Variants in HEPACAM observed in about 807,000 individuals in gnomAD.
HEPACAM encodes hepatic and glial cell adhesion molecule.
In HEPACAM, 18 loss-of-function variants were observed where a neutral mutation model predicts 38.3. That is an observed-to-expected ratio of 0.47 (90% confidence interval 0.33 to 0.70). The LOEUF (loss-of-function observed/expected upper bound fraction) is 0.70, where lower values mean the gene tolerates loss of function less well. Ranked by LOEUF, HEPACAM falls within the 30% of genes least tolerant of loss-of-function variation. HEPACAM has a pLI of 0.03. For missense variants in HEPACAM, 466 were observed against 563.0 expected, an observed-to-expected ratio of 0.83 and a Z score of 1.74; for synonymous variants, 216 against 243.1, an observed-to-expected ratio of 0.89 and a Z score of 1.04.
In HEPACAM at chr11:124,924,966, G is replaced by A. The variant is rs759626196; in HGVS notation, c.189C>T (p.Asp63=). 20 of 1,614,096 alleles carry A rather than the reference G, an allele frequency of 1.2e-5. No individual in the cohort carries two copies. Among genetic ancestry groups the A allele is most frequent in the Non-Finnish European group, 1.7e-5 (20 of 1,179,964 alleles). The change falls in exon 2 of 7, where the codon GAC becomes GAT. Residue 63 remains aspartate, a synonymous_variant. Transcript: ENST00000298251. This position sits in a 1 kb window ranked among gnomAD's most constrained non-coding sequence, Gnocchi z 4.4. ...TCAGCTGCCACTTCACTACAGGCCT[G>A]TCGCTGCTGGTACTGCTGTACTGCA... ...LSVQYSSTSS[D]RPVVKWQLKR...
In HEPACAM at chr11:124,921,297, G is replaced by A. The variant is rs1238890407; in HGVS notation, c.1092C>T (p.Ser364=). The A allele has an allele frequency of 6.9e-6, 9 of 1,311,456 alleles. No homozygotes were observed. The highest frequency in any genetic ancestry group is 4.6e-5 in the South Asian group (2 of 43,548). 81.2% of individuals were successfully genotyped at this position (1,311,456 alleles called of 1,614,324 possible). A position where few individuals can be genotyped will look rare whatever the true frequency, so the allele number is the denominator to read the frequency against. Residue 364 remains serine (S), a synonymous_variant, in exon 7 of 7, where the codon TCC becomes TCT. Coordinates refer to ENST00000298251, the MANE Select transcript of HEPACAM (RefSeq NM_152722.5). The surrounding 1 kb of genome is among the most constrained non-coding windows in gnomAD (Gnocchi z 4.6). The part of the protein sequence containing the change: ...PIRSARRYPR[S]PARSPATGRT... Reference sequence around the variant, plus strand: ...GGCCGGTGGCTGGGGAGCGCGCTGGGGAGCGCGGGTAGCGGCGGGCAGAGC... The same window carrying A: ...GGCCGGTGGCTGGGGAGCGCGCTGGAGAGCGCGGGTAGCGGCGGGCAGAGC...
chr11:124,925,070 CT>C lies in HEPACAM; in HGVS notation c.86-2del. The stretch of plus-strand genomic sequence containing the variant: ...GTGATGTTCACCCCCTCCAGGGGGT[CT>C]GTGAACAGAGGCCCATGAGGAAGAG... On this transcript the variant is annotated splice_acceptor_variant, in intron 1 of 6. Coordinates refer to ENST00000298251, the MANE Select transcript of HEPACAM (RefSeq NM_152722.5). LOFTEE classifies it high-confidence loss of function. 1.3e-6 allele frequency: 2 copies of C among 1,581,094 alleles called. No homozygotes were observed. Among genetic ancestry groups the C allele is most frequent in the Non-Finnish European group, 1.7e-6 (2 of 1,161,056 alleles).
At position 124,919,457 on chromosome 11, in the gene HEPACAM, C is replaced by T. The variant is rs1482821597; in HGVS notation, c.*1681G>A. The T allele has an allele frequency of 1.8e-5, 8 of 433,332 alleles. No homozygotes were observed. The highest frequency in any genetic ancestry group is 3.3e-5 in the Non-Finnish European group (8 of 238,906). The allele number at this position is 433,332 out of a possible 1,614,324, so 26.8% of individuals were successfully genotyped here. On this transcript the variant is annotated 3_prime_UTR_variant, in exon 7 of 7. Coordinates refer to ENST00000298251, the MANE Select transcript of HEPACAM (RefSeq NM_152722.5). ...CAGGGTATGGCATGTTCTCATCTCA[C>T]CCTAACCTTCACCTGTGCATCTCAA...
In HEPACAM at chr11:124,920,963, TC is replaced by T; in HGVS notation, c.*174del. On this transcript the variant is annotated 3_prime_UTR_variant, in exon 7 of 7. Transcript: ENST00000298251. ...GTTTCACCATATCAACACTGCCGCC[TC>T]CGCGCACCCGCCTCCGTCTGCGCAT... 1 of 1,365,820 alleles carries T rather than the reference TC, an allele frequency of 7.3e-7. No homozygotes were observed. The highest frequency in any genetic ancestry group is 9.4e-7 in the Non-Finnish European group (1 of 1,062,976). The allele number at this position is 1,365,820 out of a possible 1,614,324, so 84.6% of individuals were successfully genotyped here.
intron 1 of HEPACAM, among the ~76,000 whole-genome samples, chr11:124,929,094 C>T (rs1251853266): frequency 6.6e-6 from 1 of 152,196 alleles, no homozygotes; most frequent in East Asian, 1.9e-4. Context: ...TCCCTTCTAT[C>T]TTCTGTGGCC....
At position 124,920,374 on chromosome 11, in the gene HEPACAM, A is replaced by C; in HGVS notation, c.*764T>G. 6.5e-7 allele frequency: 1 copy of C among 1,545,300 alleles called. No individual in the cohort carries two copies. Among genetic ancestry groups the C allele is most frequent in the South Asian group, 1.2e-5 (1 of 83,032 alleles). ...AGCCCATCCATCTCTTTTATTCATG[A>C]ACAGAGACAGAAAGAGTGCTTGGCA... On this transcript the variant is annotated 3_prime_UTR_variant, in exon 7 of 7. Coordinates refer to ENST00000298251, the MANE Select transcript of HEPACAM (RefSeq NM_152722.5).
chr11:124,920,237 T>C lies in HEPACAM; in HGVS notation c.*901A>G. The C allele has an allele frequency of 1.1e-6, 1 of 900,936 alleles. No individual in the cohort carries two copies. Among genetic ancestry groups the C allele is most frequent in the Non-Finnish European group, 1.7e-6 (1 of 596,954 alleles). 55.8% of individuals were successfully genotyped at this position (900,936 alleles called of 1,614,324 possible). On this transcript the variant is annotated 3_prime_UTR_variant, in exon 7 of 7. Coordinates refer to ENST00000298251, the MANE Select transcript of HEPACAM (RefSeq NM_152722.5). ...GGACAATGATTGTTTGAAAGGCTTGTTTTGTAAGGAAGCCAGGAGGAATAT... is the reference window on the plus strand; with the variant it reads ...GGACAATGATTGTTTGAAAGGCTTGCTTTGTAAGGAAGCCAGGAGGAATAT...
chr11:124,934,039 C>G (rs146931813), intron 1 of HEPACAM, among the ~76,000 whole-genome samples: 1 of 152,190 alleles, frequency 6.6e-6, no homozygotes. Context: ...GGGCTAACGG[C>G]TGCCAAATAC....
intron 1 of HEPACAM, among the ~76,000 whole-genome samples, chr11:124,929,214 T>C (rs1174377745): frequency 2.0e-5 from 3 of 152,196 alleles, no homozygotes; most frequent in African/African-American, 7.2e-5. Context: ...AGTTGATTTG[T>C]TCTGGATAAA....
At chr11:124,932,833 A>C (rs1947294517) in intron 1 of HEPACAM, among the ~76,000 whole-genome samples, 1 of 152,232 alleles carries the variant, frequency 6.6e-6, no homozygotes, top group Non-Finnish European at 1.5e-5. Context: ...GAAGAAAAGA[A>C]GATACACCTC....
chr11:124,930,081 T>A (rs1947264807), intron 1 of HEPACAM, among the ~76,000 whole-genome samples: 1 of 152,200 alleles, frequency 6.6e-6, no homozygotes, highest in South Asian at 2.1e-4. Flanking sequence ...GTCTCTTCAT[T>A]CTTTTGGCCG....
chr11:124,928,656 T>C (rs758901333), intron 1 of HEPACAM, among the ~76,000 whole-genome samples: 40 of 152,172 alleles, frequency 2.6e-4, no homozygotes, highest in Admixed American at 5.2e-4. Flanking sequence ...GATAAATGCA[T>C]ACCTGATTGC....
chr11:124,921,143 C>A lies in HEPACAM; in HGVS notation c.1246G>T (p.Ala416Ser). The change falls in exon 7 of 7, where the codon GCC becomes TCC. Residue 416 changes from alanine to serine, a missense_variant. Transcript: ENST00000298251. This position sits in a 1 kb window ranked among gnomAD's most constrained non-coding sequence, Gnocchi z 4.6. ...TCAGGGGATCCCGAGGCGGCTCAGG[C>A]GCTGATCTCCACCGGGCCGGCCTCG... ...QDEAGPVEIS[A>S] 1 of 1,526,784 alleles carries A rather than the reference C, an allele frequency of 6.5e-7. No individual in the cohort carries two copies. Among genetic ancestry groups the A allele is most frequent in the Non-Finnish European group, 8.7e-7 (1 of 1,143,850 alleles). 94.6% of individuals were successfully genotyped at this position (1,526,784 alleles called of 1,614,324 possible).
At chr11:124,923,090 G>A (rs149732578) in intron 4 of HEPACAM, among the ~76,000 whole-genome samples, 2 of 152,256 alleles carry the variant, frequency 1.3e-5, no homozygotes, top group African/African-American at 2.4e-5. Flanking sequence ...AAGGTAGCAG[G>A]CTAACCACAG....
chr11:124,933,879 C>G (rs536772341), intron 1 of HEPACAM, among the ~76,000 whole-genome samples: 1 of 152,316 alleles, frequency 6.6e-6, no homozygotes, highest in East Asian at 1.9e-4. Context: ...CCTTCTGTCT[C>G]TCTGGCTGTT....
intron 1 of HEPACAM, among the ~76,000 whole-genome samples, chr11:124,933,614 T>C (rs763694718): frequency 2.0e-5 from 3 of 152,122 alleles, no homozygotes; most frequent in Non-Finnish European, 4.4e-5. Flanking sequence ...CCGGAAAGAG[T>C]TTAGGGCCAT....
chr11:124,935,682 G>A (rs1002635593), intron 1 of HEPACAM, among the ~76,000 whole-genome samples: 12 of 152,160 alleles, frequency 7.9e-5, no homozygotes, highest in Non-Finnish European at 1.0e-4. Context: ...ACTGAATGCC[G>A]TGGGAGCTCC....
chr11:124,935,952 G>T lies in HEPACAM; in HGVS notation c.55C>A (p.Pro19Thr). 1 of 1,614,010 alleles carries T rather than the reference G, an allele frequency of 6.2e-7. No individual in the cohort carries two copies. Among genetic ancestry groups the T allele is most frequent in the South Asian group, 1.1e-5 (1 of 91,064 alleles). The change falls in exon 1 of 7, where the codon CCT (proline) becomes ACT (threonine). Residue 19 changes from proline (P) to threonine (T), a missense_variant. Physicochemically the swap from Pro to Thr is conservative, Grantham distance 38. Transcript: ENST00000298251. ...SRASRALRLA[P>T]FVYLLLIQTD... ...TGGATCAGAAGAAGGTAGACAAAAG[G>T]AGCAAGGCGCAGGGCCCTGGAGGCT...
rs1064797164 is a variant in HEPACAM, at chr11:124,921,213, C to T, written c.1176G>A (p.Ser392=). The change falls in exon 7 of 7, where the codon TCG becomes TCA. Residue 392 remains serine, a synonymous_variant. Transcript: ENST00000298251. This position sits in a 1 kb window ranked among gnomAD's most constrained non-coding sequence, Gnocchi z 4.6. ...PSSPGRSRSA[S]RTLRTAGVHI... ...GCACGCCCGCAGTCCGCAGTGTGCGCGAGGCGCTGCGCGAGCGGCCGGGCG... is the reference window on the plus strand; with the variant it reads ...GCACGCCCGCAGTCCGCAGTGTGCGTGAGGCGCTGCGCGAGCGGCCGGGCG... 6.7e-7 allele frequency: 1 copy of T among 1,484,080 alleles called. No individual in the cohort carries two copies. The highest frequency in any genetic ancestry group is 8.9e-7 in the Non-Finnish European group (1 of 1,123,966). The allele number at this position is 1,484,080 out of a possible 1,614,324, so 91.9% of individuals were successfully genotyped here.
Sources: allele counts gnomAD v4.1 joint callset (sites outside exome capture counted in the v4.1 genomes callset), GRCh38; gene constraint gnomAD v4.1.1; non-coding constraint Gnocchi (gnomAD v3.1); transcripts MANE v1.5; gene names NCBI Gene and HGNC (gene_info 2026-07-23, HGNC 2026-07-21).